The following MBNL2 variants were observed in gnomAD, a reference collection of about 807,000 sequenced individuals.
The protein encoded by MBNL2 is muscleblind like splicing regulator 2.
A neutral mutation model predicts 41.9 loss-of-function variants in MBNL2; 17 were observed. The observed-to-expected ratio is 0.41, with a 90% CI of 0.28 to 0.61. MBNL2 has a LOEUF of 0.61. MBNL2 is among the 20% of genes least tolerant of loss of function. The probability of loss-of-function intolerance (pLI) is 0.35; values close to 1 mark genes in which losing one functional copy is unlikely to be tolerated. For missense variants in MBNL2, 336 were observed against 505.6 expected (o/e 0.66, Z 3.22); for synonymous variants, 195 against 182.9 (o/e 1.07, Z -0.53).
chr13:97,285,640 A>ATT (rs2054270266), intron 2 of MBNL2, among the ~76,000 whole-genome samples: 1 of 152,242 alleles, frequency 6.6e-6, no homozygotes, highest in East Asian at 1.9e-4. Context: ...TTCAGCCAGT[A>ATT]GACTGCCATA....
chr13:97,248,726 A>G (rs1365842384), intron 1 of MBNL2, among the ~76,000 whole-genome samples: 1 of 152,242 alleles, frequency 6.6e-6, no homozygotes, highest in African/African-American at 2.4e-5. Flanking sequence ...TCTTTCTTCT[A>G]AAATCCTATA....
chr13:97,339,869 GT>G (rs754034371), intron 3 of MBNL2, among the ~76,000 whole-genome samples: 2,785 of 83,792 alleles, frequency 0.033, 125 homozygotes, highest in Non-Finnish European at 0.048. Flanking sequence ...TGATTTGTGT[GT>G]GGGCGGGGGG....
upstream of MBNL2, among the ~76,000 whole-genome samples, chr13:97,221,182 G>A (rs1489668098): frequency 2.0e-5 from 3 of 152,126 alleles, no homozygotes; most frequent in African/African-American, 7.2e-5. Flanking sequence ...TAAAAATCGT[G>A]CATTGGGTTC....
the MBNL2 span, among the ~76,000 whole-genome samples, chr13:97,213,669 A>G: frequency 5.9e-5 from 9 of 152,180 alleles, no homozygotes; most frequent in African/African-American, 2.2e-4. Flanking sequence ...TTATCTTTAC[A>G]TCATGAATGT....
the MBNL2 span, among the ~76,000 whole-genome samples, chr13:97,194,986 A>T: frequency 6.6e-6 from 1 of 152,146 alleles, no homozygotes; most frequent in Admixed American, 6.5e-5. Flanking sequence ...AGCAGCCCTC[A>T]GGTTTGCTCT....
chr13:97,175,304 T>C, the MBNL2 span, among the ~76,000 whole-genome samples: 4 of 152,154 alleles, frequency 2.6e-5, no homozygotes, highest in East Asian at 5.8e-4. Flanking sequence ...TTCTTCCCCG[T>C]TTATCCTTCA....
chr13:97,256,503 A>G (rs953954973), intron 1 of MBNL2, among the ~76,000 whole-genome samples: 3 of 152,212 alleles, frequency 2.0e-5, no homozygotes, highest in Admixed American at 2.0e-4. Flanking sequence ...CTGATGAGTC[A>G]TTCGTACTGG....
chr13:97,240,907 C>T lies in MBNL2; in HGVS notation c.-605+18376C>T, dbSNP rs537366694. Among the ~76,000 whole-genome samples the T allele has an allele frequency of 1.4e-4, 21 of 152,250 alleles. No individual in the cohort carries two copies. In the South Asian group the frequency reaches 3.1e-3, roughly 23 times the overall value. ...AGATAAAATTGCTTCTGTCCTCACT[C>T]GGGCTGTTTTTAGGTTGTTCAAGCA... is the stretch of plus-strand genomic sequence containing the variant. On this transcript the variant is annotated intron_variant, in intron 1 of 8. Coordinates refer to ENST00000679496, the MANE Select transcript of MBNL2 (RefSeq NM_001382683.1).
chr13:97,159,377 G>T, the MBNL2 span, among the ~76,000 whole-genome samples: 1 of 151,804 alleles, frequency 6.6e-6, no homozygotes, highest in Non-Finnish European at 1.5e-5. Context: ...CTTTTAATTG[G>T]AGCATTTAGT....
At chr13:97,313,092 T>C (rs375986472) in intron 2 of MBNL2, among the ~76,000 whole-genome samples, 180 of 152,180 alleles carry the variant, frequency 1.2e-3, no homozygotes, top group African/African-American at 4.0e-3. Context: ...TTGGGAGAAA[T>C]TGCAAATAGA....
chr13:97,219,839 T>C (rs1445079801), upstream of MBNL2, among the ~76,000 whole-genome samples: 2 of 152,192 alleles, frequency 1.3e-5, no homozygotes, highest in Middle Eastern at 3.2e-3. Flanking sequence ...GAAAAAAGGT[T>C]TGAAGGGGTC....
intron 8 of MBNL2, among the ~76,000 whole-genome samples, chr13:97,383,407 G>A (rs1186466777): frequency 1.3e-5 from 2 of 152,162 alleles, no homozygotes; most frequent in South Asian, 2.1e-4. Flanking sequence ...AATCTTCAGC[G>A]AGGACAGTAT....
chr13:97,390,631 G>C (rs1332366287), intron 8 of MBNL2, among the ~76,000 whole-genome samples: 1 of 152,132 alleles, frequency 6.6e-6, no homozygotes, highest in Non-Finnish European at 1.5e-5. Flanking sequence ...TTAGAGATCA[G>C]ACTCAAGGGA....
chr13:97,292,586 T>G (rs2056346745), intron 2 of MBNL2, among the ~76,000 whole-genome samples: 1 of 152,228 alleles, frequency 6.6e-6, no homozygotes, highest in East Asian at 1.9e-4. Flanking sequence ...TTATTTCCAA[T>G]TTCAATTCTA....
At chr13:97,216,357 A>G in the MBNL2 span, among the ~76,000 whole-genome samples, 5 of 152,204 alleles carry the variant, frequency 3.3e-5, no homozygotes, top group African/African-American at 1.2e-4. Context: ...CAAGGTCTGT[A>G]CCCTCAGGGG....
At chr13:97,202,762 G>A in the MBNL2 span, among the ~76,000 whole-genome samples, 1 of 152,172 alleles carries the variant, frequency 6.6e-6, no homozygotes, top group Non-Finnish European at 1.5e-5. Context: ...GGCAAGAAAT[G>A]CTCTTGACTA....
At chr13:97,297,926 A>G (rs2057228621) in intron 2 of MBNL2, among the ~76,000 whole-genome samples, 1 of 148,542 alleles carries the variant, frequency 6.7e-6, no homozygotes, top group Admixed American at 6.9e-5. Flanking sequence ...AAATAGGTCA[A>G]TAAACACATA....
At chr13:97,383,875 G>C (rs1339855741) in intron 8 of MBNL2, among the ~76,000 whole-genome samples, 1 of 151,832 alleles carries the variant, frequency 6.6e-6, no homozygotes, top group Non-Finnish European at 1.5e-5. Context: ...ATATACTACT[G>C]ATGATCTCTG....
the MBNL2 span, among the ~76,000 whole-genome samples, chr13:97,171,507 A>G: frequency 6.6e-6 from 1 of 152,228 alleles, no homozygotes; most frequent in East Asian, 1.9e-4. Context: ...TCATGTGTAC[A>G]TACAATATAC....
Sources: allele counts gnomAD v4.1 joint callset (sites outside exome capture counted in the v4.1 genomes callset), GRCh38; gene constraint gnomAD v4.1.1; transcripts MANE v1.5; gene names NCBI Gene and HGNC (gene_info 2026-07-23, HGNC 2026-07-21).